The following HS3ST4 variants were observed in gnomAD, a reference collection of about 807,000 sequenced individuals.
HS3ST4 encodes the protein heparan sulfate-glucosamine 3-sulfotransferase 4.
In HS3ST4, 17 loss-of-function variants were observed where a neutral mutation model predicts 29.2. That is an observed-to-expected ratio of 0.58 (90% CI 0.40 to 0.87). The LOEUF (loss-of-function observed/expected upper bound fraction) is 0.87, where lower values mean the gene tolerates loss of function less well. HS3ST4 is among the 40% of genes least tolerant of loss of function. The pLI, the probability that HS3ST4 is intolerant of heterozygous loss-of-function variation, is 0.00. For missense variants in HS3ST4, 627 were observed against 634.5 expected (o/e 0.99, Z 0.13); for synonymous variants, 314 against 285.7 (o/e 1.10, Z -1.00).
intron 1 of HS3ST4, among the ~76,000 whole-genome samples, chr16:25,834,450 A>G (rs530507573): frequency 6.6e-6 from 1 of 151,908 alleles, no homozygotes; most frequent in East Asian, 1.9e-4. Flanking sequence ...CCCTTCACCA[A>G]TGAATTGTGA....
intron 1 of HS3ST4, among the ~76,000 whole-genome samples, chr16:25,966,986 C>T (rs1047119663): frequency 1.3e-5 from 2 of 152,088 alleles, no homozygotes; most frequent in African/African-American, 4.8e-5. Context: ...TCACCTGGAA[C>T]CTGTTAGAAA....
intron 1 of HS3ST4, among the ~76,000 whole-genome samples, chr16:25,767,967 G>A (rs1966831932): frequency 6.6e-6 from 1 of 152,152 alleles, no homozygotes; most frequent in Admixed American, 6.5e-5. Flanking sequence ...AACGAGTAGA[G>A]TCACATCTTT....
At chr16:25,704,644 G>T (rs1465876470) in intron 1 of HS3ST4, among the ~76,000 whole-genome samples, 1 of 151,966 alleles carries the variant, frequency 6.6e-6, no homozygotes, top group Non-Finnish European at 1.5e-5. Flanking sequence ...TTGGGAGGCC[G>T]AGGCAGGTGG....
intron 1 of HS3ST4, among the ~76,000 whole-genome samples, chr16:25,823,180 G>T (rs1250185678): frequency 6.6e-6 from 1 of 152,168 alleles, no homozygotes; most frequent in Non-Finnish European, 1.5e-5. Flanking sequence ...GGCCATAATT[G>T]TGCATTCCAG....
At chr16:25,939,798 T>C (rs530108084) in intron 1 of HS3ST4, among the ~76,000 whole-genome samples, 12 of 152,212 alleles carry the variant, frequency 7.9e-5, no homozygotes, top group African/African-American at 2.9e-4. Flanking sequence ...CAGGCAAAAA[T>C]AGGGCAGCCA....
chr16:25,991,893 T>C (rs1002685575), intron 1 of HS3ST4, among the ~76,000 whole-genome samples: 2 of 151,352 alleles, frequency 1.3e-5, no homozygotes, highest in Non-Finnish European at 2.9e-5. Context: ...TGGTGGTGGG[T>C]GCCTGTAGTC....
chr16:25,790,523 C>T (rs553382667), intron 1 of HS3ST4, among the ~76,000 whole-genome samples: 1 of 152,298 alleles, frequency 6.6e-6, no homozygotes, highest in African/African-American at 2.4e-5. Flanking sequence ...GTTTGTGAGT[C>T]CAGGATGTAA....
At chr16:25,810,860 T>C (rs115110101) in intron 1 of HS3ST4, among the ~76,000 whole-genome samples, 50 of 152,362 alleles carry the variant, frequency 3.3e-4, no homozygotes, top group African/African-American at 1.2e-3. Context: ...ATTTATGTTT[T>C]GTAGCTTTGA....
At chr16:25,907,018 G>A (rs1390165797) in intron 1 of HS3ST4, among the ~76,000 whole-genome samples, 2 of 152,022 alleles carry the variant, frequency 1.3e-5, no homozygotes, top group Non-Finnish European at 2.9e-5. Context: ...AACATAGCAA[G>A]ACCCTATCTC....
intron 1 of HS3ST4, among the ~76,000 whole-genome samples, chr16:26,026,504 A>C (rs892248450): frequency 5.9e-5 from 9 of 152,192 alleles, no homozygotes; most frequent in Admixed American, 3.3e-4. Context: ...TCAGTTTTCC[A>C]TGCAGGCTAG....
chr16:26,098,528 G>A (rs949696395), intron 1 of HS3ST4, among the ~76,000 whole-genome samples: 6 of 152,102 alleles, frequency 3.9e-5, no homozygotes, highest in Non-Finnish European at 8.8e-5. Flanking sequence ...GGTGGGAACT[G>A]AACAATGAGA....
At chr16:26,015,627 G>A (rs1012080742) in intron 1 of HS3ST4, among the ~76,000 whole-genome samples, 1 of 152,142 alleles carries the variant, frequency 6.6e-6, no homozygotes, top group Non-Finnish European at 1.5e-5. Flanking sequence ...CCCTCTGATT[G>A]CATGGTTGGT....
chr16:25,707,149 T>G (rs1966381037), intron 1 of HS3ST4, among the ~76,000 whole-genome samples: 1 of 152,178 alleles, frequency 6.6e-6, no homozygotes, highest in South Asian at 2.1e-4. Flanking sequence ...TGAGTAACCT[T>G]TACTTTACTT....
At chr16:26,127,995 C>A (rs1218834154) in intron 1 of HS3ST4, among the ~76,000 whole-genome samples, 1 of 152,032 alleles carries the variant, frequency 6.6e-6, no homozygotes, top group Admixed American at 6.6e-5. Flanking sequence ...TCCTCTTTCC[C>A]CTTCTCCTCC....
rs9926594 is a variant in HS3ST4, at chr16:25,815,835, G to A, written c.734+122684G>A. Among the ~76,000 whole-genome samples the A allele has an allele frequency of 2.2e-3, 338 of 152,168 alleles. 3 individuals carry two copies. The highest frequency in any genetic ancestry group is 7.4e-3 in the African/African-American group (309 of 41,530). On this transcript the variant is annotated intron_variant, in intron 1 of 1. Transcript: ENST00000331351. ...ACTCCTACCCTCAAGCCTCCACTCA[G>A]CTCCAGCCTCACGAAACTTTCCACT...
chr16:26,123,480 C>T (rs1005854038), intron 1 of HS3ST4, among the ~76,000 whole-genome samples: 9 of 152,136 alleles, frequency 5.9e-5, no homozygotes, highest in African/African-American at 1.9e-4. Flanking sequence ...TAAGAGATAA[C>T]GAGAGACCTC....
At chr16:25,768,000 G>A (rs1966832078) in intron 1 of HS3ST4, among the ~76,000 whole-genome samples, 2 of 152,176 alleles carry the variant, frequency 1.3e-5, no homozygotes, top group South Asian at 4.1e-4. Context: ...TCATGGTGGA[G>A]ATGAGAAATT....
At chr16:25,732,860 T>C (rs11647172) in intron 1 of HS3ST4, among the ~76,000 whole-genome samples, 16,866 of 152,220 alleles carry the variant, frequency 0.11, 984 homozygotes, top group Middle Eastern at 0.13. Flanking sequence ...AGTTCCTCCT[T>C]CTTAGTATTG....
intron 1 of HS3ST4, among the ~76,000 whole-genome samples, chr16:25,999,336 C>T (rs1969184853): frequency 6.6e-6 from 1 of 152,108 alleles, no homozygotes; most frequent in Admixed American, 6.5e-5. Flanking sequence ...CTTCACTGCA[C>T]ATGGTGCTGC....
Sources: gnomAD v4.1 joint callset for allele counts (sites outside exome capture counted in the v4.1 genomes callset) on GRCh38, gnomAD v4.1.1 for gene constraint, MANE v1.5 for transcripts, NCBI Gene and HGNC (gene_info 2026-07-23, HGNC 2026-07-21) for gene names.